ZCWPW2: variants seen among roughly 807,000 people sequenced by gnomAD.
ZCWPW2 encodes the protein zinc finger CW-type and PWWP domain containing 2.
In ZCWPW2, 45 loss-of-function variants were observed where a neutral mutation model predicts 46.6. The ratio of observed to expected loss-of-function variants is 0.96; its 90% CI spans 0.76 to 1.24. The LOEUF (loss-of-function observed/expected upper bound fraction) is 1.24, where lower values mean the gene tolerates loss of function less well. Among genes scored for constraint, ZCWPW2 ranks in the 50% most tolerant of loss-of-function variants. The probability of loss-of-function intolerance (pLI) is 0.00; values close to 1 mark genes in which losing one functional copy is unlikely to be tolerated. For synonymous variants in ZCWPW2, 152 were observed against 137.1 expected (o/e 1.11, Z -0.76); for missense variants, 429 against 403.9 (o/e 1.06, Z -0.53).
At chr3:28,413,511 T>C in intron 3 of ZCWPW2, 111 bp downstream of exon 3, 2 of 951,532 alleles carry the variant, frequency 2.1e-6, no homozygotes, top group Non-Finnish European at 3.1e-6. Flanking sequence ...TGTTTCTTGA[T>C]TTATCATTGC....
chr3:28,521,907 ACT>A (rs1216603559), intron 9 of ZCWPW2, among the ~76,000 whole-genome samples: 5 of 152,136 alleles, frequency 3.3e-5, no homozygotes, highest in African/African-American at 1.2e-4. Flanking sequence ...ATTGACACTG[ACT>A]CTGAAATATA....
rs540511742 is a variant in ZCWPW2, at chr3:28,405,035, A to G, written c.-13-8021A>G. Among the ~76,000 whole-genome samples the G allele has an allele frequency of 3.9e-5, 6 of 152,342 alleles. No individual in the cohort carries two copies. The South Asian group carries it at 1.2e-3, about 32-fold the overall frequency. ...TTCCCCAATAACCAATGGAAATAAAATATTTATTTTGAACTCATTTAGACA... is the reference window on the plus strand; with the variant it reads ...TTCCCCAATAACCAATGGAAATAAAGTATTTATTTTGAACTCATTTAGACA... On this transcript the variant is annotated intron_variant, in intron 2 of 9. Coordinates refer to ENST00000383768, the MANE Select transcript of ZCWPW2 (RefSeq NM_001040432.4).
intron 6 of ZCWPW2, among the ~76,000 whole-genome samples, chr3:28,507,895 G>T (rs947847067): frequency 6.6e-6 from 1 of 152,032 alleles, no homozygotes; most frequent in African/African-American, 2.4e-5. Context: ...TGTAGATTCA[G>T]CATTTTCTGT....
chr3:28,410,264 T>G (rs2125738043), intron 2 of ZCWPW2, among the ~76,000 whole-genome samples: 1 of 152,104 alleles, frequency 6.6e-6, no homozygotes, highest in Admixed American at 6.6e-5. Flanking sequence ...CTATGGGAGA[T>G]TTTAACATAG....
chr3:28,424,309 A>G (rs985445758), intron 3 of ZCWPW2, among the ~76,000 whole-genome samples: 9 of 151,244 alleles, frequency 6.0e-5, no homozygotes, highest in Admixed American at 4.0e-4. Flanking sequence ...TTCTTGCTCT[A>G]TCACTTATGG....
chr3:28,349,098 G>A lies in ZCWPW2; in HGVS notation c.-239G>A. ...GAAGCCAGGTTCGGTCGTGGGGGTG[G>A]GGAAGTGCAGGAGTGGCGCGCGGCG... On this transcript the variant is annotated 5_prime_UTR_variant, in exon 1 of 10. Transcript: ENST00000383768. The A allele has an allele frequency of 1.0e-6, 1 of 985,710 alleles. No individual in the cohort carries two copies. The highest frequency in any genetic ancestry group is 1.2e-6 in the Non-Finnish European group (1 of 830,152). 61.1% of individuals were successfully genotyped at this position (985,710 alleles called of 1,614,324 possible).
intron 1 of ZCWPW2, among the ~76,000 whole-genome samples, chr3:28,377,425 T>C (rs1328988819): frequency 1.3e-5 from 2 of 152,114 alleles, no homozygotes; most frequent in African/African-American, 4.8e-5. Flanking sequence ...AATGACAATG[T>C]ATAAATCAAT....
intron 5 of ZCWPW2, 42 bp from the exon 6 acceptor site, chr3:28,492,085 A>C: frequency 6.3e-7 from 1 of 1,593,696 alleles, no homozygotes. Context: ...GAACAGGAAC[A>C]TAGGCACTTT....
At chr3:28,470,324 C>T (rs569910628) in intron 4 of ZCWPW2, among the ~76,000 whole-genome samples, 340 of 151,822 alleles carry the variant, frequency 2.2e-3, no homozygotes, top group Middle Eastern at 3.4e-3. Context: ...AAATAAAACC[C>T]CATCTCTATG....
intron 4 of ZCWPW2, among the ~76,000 whole-genome samples, chr3:28,473,969 G>T (rs941983240): frequency 6.6e-6 from 1 of 152,016 alleles, no homozygotes; most frequent in African/African-American, 2.4e-5. Flanking sequence ...GCACAAAAGG[G>T]TGACTATAGT....
chr3:28,524,501 C>A, intron 9 of ZCWPW2, 26 bp from the exon 10 acceptor site: 1 of 1,593,238 alleles, frequency 6.3e-7, no homozygotes, highest in Non-Finnish European at 8.5e-7. Flanking sequence ...GACATAGTTC[C>A]GATTAATTAT....
chr3:28,513,730 A>AT (rs200473251), intron 6 of ZCWPW2, among the ~76,000 whole-genome samples: 7 of 150,646 alleles, frequency 4.6e-5, no homozygotes, highest in South Asian at 2.1e-4. Flanking sequence ...CTGGCATTTG[A>AT]TTTTTTTTTC....
At chr3:28,476,852 AT>A (rs1699252807) in intron 4 of ZCWPW2, among the ~76,000 whole-genome samples, 1 of 152,048 alleles carries the variant, frequency 6.6e-6, no homozygotes, top group African/African-American at 2.4e-5. Context: ...CACAACCTAG[AT>A]CTCTCCCACG....
intron 2 of ZCWPW2, among the ~76,000 whole-genome samples, chr3:28,411,695 G>GA (rs1696405290): frequency 6.6e-6 from 1 of 152,040 alleles, no homozygotes; most frequent in Non-Finnish European, 1.5e-5. Flanking sequence ...TGGTGACCCA[G>GA]AAAGTAGAGA....
intron 1 of ZCWPW2, among the ~76,000 whole-genome samples, chr3:28,385,738 G>T (rs554009533): frequency 6.6e-6 from 1 of 152,312 alleles, no homozygotes; most frequent in South Asian, 2.1e-4. Context: ...AGGCTAGCCT[G>T]CAGGGGACCA....
chr3:28,508,365 T>G (rs1700336932), intron 6 of ZCWPW2, among the ~76,000 whole-genome samples: 1 of 152,158 alleles, frequency 6.6e-6, no homozygotes. Flanking sequence ...TAATTTTTTT[T>G]TAGCATTTGG....
chr3:28,461,464 T>C (rs994838503), intron 4 of ZCWPW2: 1 of 152,164 alleles, frequency 6.6e-6, no homozygotes, highest in African/African-American at 2.4e-5. Flanking sequence ...AATGAAGTTT[T>C]ATATTATTTT....
chr3:28,383,017 C>T (rs1203205469), intron 1 of ZCWPW2, among the ~76,000 whole-genome samples: 1 of 152,140 alleles, frequency 6.6e-6, no homozygotes, highest in Non-Finnish European at 1.5e-5. Flanking sequence ...TTTGATCACT[C>T]AACCCTGTAC....
chr3:28,394,504 T>G (rs767033173), intron 2 of ZCWPW2, among the ~76,000 whole-genome samples: 1 of 152,102 alleles, frequency 6.6e-6, no homozygotes, highest in Non-Finnish European at 1.5e-5. Context: ...TCACACTTGC[T>G]GATTTGAAAT....
Sources: gnomAD v4.1 joint callset for allele counts (sites outside exome capture counted in the v4.1 genomes callset) on GRCh38, gnomAD v4.1.1 for gene constraint, MANE v1.5 for transcripts, NCBI Gene and HGNC (gene_info 2026-07-23, HGNC 2026-07-21) for gene names.